NME7: variants seen among roughly 807,000 people sequenced by gnomAD.
NME7 encodes NME/NM23 family member 7, also known as nucleoside diphosphate kinase 7.
A neutral mutation model predicts 49.1 loss-of-function variants in NME7; 41 were observed. The ratio of observed to expected loss-of-function variants is 0.83; its 90% confidence interval spans 0.65 to 1.08. NME7 has a LOEUF of 1.08. Ranked by LOEUF, NME7 falls within the 50% of genes least tolerant of loss-of-function variation. The pLI is 0.00. For missense variants in NME7, 423 were observed against 463.4 expected (o/e 0.91, Z 0.80); for synonymous variants, 139 against 150.6 (o/e 0.92, Z 0.56).
rs2101776513 is a variant in NME7, at chr1:169,200,070, A to G, written c.991-30516T>C. Among the ~76,000 whole-genome samples the G allele has an allele frequency of 1.3e-5, 2 of 152,162 alleles. 1 individual carries two copies. The highest frequency in any genetic ancestry group is 4.2e-4 in the South Asian group (2 of 4,808). ...CACACCAAGCACCCTGCTAGGTTAC[A>G]AACTCCAGAAAGTAAAAAATGAGTA... On this transcript the variant is annotated intron_variant, in intron 10 of 11. Coordinates refer to ENST00000367811, the MANE Select transcript of NME7 (RefSeq NM_013330.5).
intron 10 of NME7, among the ~76,000 whole-genome samples, chr1:169,204,083 T>G (rs1340966362): frequency 6.6e-6 from 1 of 151,918 alleles, no homozygotes; most frequent in Non-Finnish European, 1.5e-5. Flanking sequence ...CTTGAACTCC[T>G]GGCTTCAAGC....
At chr1:169,199,768 CA>C (rs1212504850) in intron 10 of NME7, among the ~76,000 whole-genome samples, 1 of 151,958 alleles carries the variant, frequency 6.6e-6, no homozygotes, top group Non-Finnish European at 1.5e-5. Flanking sequence ...AGGTATAATT[CA>C]CCAAAAGTAC....
chr1:169,287,420 GA>G lies in NME7; in HGVS notation c.649-13del, dbSNP rs748679601. ...AACAACTCCATTTCCTAAAGACAGA[GA>G]GAAATGATTTTGACAAATGTGATCT... On this transcript the variant is annotated splice_polypyrimidine_tract_variant and intron_variant, in intron 6 of 11. Coordinates refer to ENST00000367811, the MANE Select transcript of NME7 (RefSeq NM_013330.5). 92 of 1,562,602 alleles carry G rather than the reference GA, an allele frequency of 5.9e-5. No individual in the cohort carries two copies. Among genetic ancestry groups the G allele is most frequent in the Non-Finnish European group, 8.0e-5 (92 of 1,152,514 alleles).
chr1:169,244,510 C>T (rs1301083462), intron 7 of NME7, among the ~76,000 whole-genome samples: 1 of 151,542 alleles, frequency 6.6e-6, no homozygotes, highest in Non-Finnish European at 1.5e-5. Flanking sequence ...GTGGTGGGTG[C>T]CAGTAGTCCC....
At chr1:169,319,601 T>C (rs1571385699) in intron 3 of NME7, among the ~76,000 whole-genome samples, 3 of 152,124 alleles carry the variant, frequency 2.0e-5, no homozygotes, top group Non-Finnish European at 4.4e-5. Context: ...GGAAAATGCA[T>C]ACTGTGACTG....
chr1:169,361,780 TAAA>T (rs1365379479), intron 1 of NME7, among the ~76,000 whole-genome samples: 1 of 124,628 alleles, frequency 8.0e-6, no homozygotes, highest in African/African-American at 3.0e-5. Context: ...AAACTCTGTC[TAAA>T]AAAAAAAAAA....
intron 7 of NME7, among the ~76,000 whole-genome samples, chr1:169,253,643 T>C (rs1401816340): frequency 6.6e-6 from 1 of 152,198 alleles, no homozygotes; most frequent in Admixed American, 6.6e-5. Context: ...CTTGTGCCAG[T>C]TTTCAAACGG....
At chr1:169,170,614 C>T (rs907998927) in intron 10 of NME7, among the ~76,000 whole-genome samples, 4 of 151,940 alleles carry the variant, frequency 2.6e-5, no homozygotes, top group African/African-American at 9.7e-5. Context: ...AGTAAGTATC[C>T]AATATTAAAA....
intron 7 of NME7, among the ~76,000 whole-genome samples, chr1:169,281,279 T>C (rs1221147869): frequency 2.6e-5 from 4 of 152,206 alleles, no homozygotes; most frequent in African/African-American, 2.4e-5. Flanking sequence ...GTAAGAATGC[T>C]TGTAATTTTT....
chr1:169,169,312 A>C (rs1389903920), intron 11 of NME7, 135 bp downstream of exon 11: 2 of 713,098 alleles, frequency 2.8e-6, no homozygotes, highest in African/African-American at 3.5e-5. Context: ...CTATGTAACA[A>C]AACTGCACTC....
intron 6 of NME7, among the ~76,000 whole-genome samples, chr1:169,296,448 T>A (rs1292093400): frequency 7.6e-6 from 1 of 130,732 alleles, no homozygotes; most frequent in African/African-American, 2.9e-5. Flanking sequence ...CTCTTCAACC[T>A]CCTTTGCTGC....
chr1:169,240,769 T>C (rs1441028828), intron 7 of NME7, among the ~76,000 whole-genome samples: 1 of 152,112 alleles, frequency 6.6e-6, no homozygotes, highest in Non-Finnish European at 1.5e-5. Flanking sequence ...ACCAATTTCA[T>C]CAGAATAGTC....
chr1:169,322,098 C>A (rs1651869613), intron 3 of NME7: 1 of 152,118 alleles, frequency 6.6e-6, no homozygotes, highest in Admixed American at 6.5e-5. Context: ...TGTCATCTTG[C>A]TAATACTGAA....
chr1:169,344,968 A>G (rs924673762), intron 1 of NME7, among the ~76,000 whole-genome samples: 13 of 152,190 alleles, frequency 8.5e-5, no homozygotes, highest in South Asian at 2.1e-4. Context: ...TCATCTGGGT[A>G]TGAGCTTTGT....
intron 1 of NME7, among the ~76,000 whole-genome samples, chr1:169,352,798 T>C (rs1455102353): frequency 6.6e-6 from 1 of 152,046 alleles, no homozygotes; most frequent in African/African-American, 2.4e-5. Context: ...TTTTAAGTTA[T>C]CCTATTTACA....
intron 1 of NME7, among the ~76,000 whole-genome samples, chr1:169,333,427 A>G (rs1652335760): frequency 6.6e-6 from 1 of 152,178 alleles, no homozygotes; most frequent in Admixed American, 6.5e-5. Context: ...ACTGTAGCCA[A>G]TAATAACTTA....
At chr1:169,300,528 CTTAAA>C (rs765478946) in intron 5 of NME7, among the ~76,000 whole-genome samples, 9 of 152,028 alleles carry the variant, frequency 5.9e-5, no homozygotes, top group Admixed American at 2.6e-4. Flanking sequence ...AAAATATTCA[CTTAAA>C]TTTAATTACA....
At chr1:169,342,485 GTA>G (rs71121764) in intron 1 of NME7, among the ~76,000 whole-genome samples, 5 of 128,604 alleles carry the variant, frequency 3.9e-5, no homozygotes, top group Non-Finnish European at 6.3e-5. Context: ...ACTTGTATTA[GTA>G]TATATATATA....
rs1165879359 is a variant in NME7, at chr1:169,310,010, C to T, written c.349G>A (p.Gly117Arg). ...GEIIEIINKA[G>R]FTITKLKMMM... Reference sequence around the variant, plus strand: ...ATTTTGAGTTTGGTTATAGTAAATCCAGCTTTGTTTATTATTTCAATTATT... The same window carrying T: ...ATTTTGAGTTTGGTTATAGTAAATCTAGCTTTGTTTATTATTTCAATTATT... Residue 117 changes from glycine (G) to arginine (R), a missense_variant, in exon 4 of 12, where the codon GGA (glycine) becomes AGA (arginine). Coordinates refer to ENST00000367811, the MANE Select transcript of NME7 (RefSeq NM_013330.5). The T allele has an allele frequency of 6.2e-7, 1 of 1,605,208 alleles. No individual in the cohort carries two copies. Among genetic ancestry groups the T allele is most frequent in the Non-Finnish European group, 8.5e-7 (1 of 1,175,864 alleles).
Sources: gnomAD v4.1 joint callset for allele counts (sites outside exome capture counted in the v4.1 genomes callset) on GRCh38, gnomAD v4.1.1 for gene constraint, MANE v1.5 for transcripts, NCBI Gene and HGNC (gene_info 2026-07-23, HGNC 2026-07-21) for gene names.